RSRP1: variants seen among roughly 807,000 people sequenced by gnomAD.
RSRP1 encodes arginine and serine rich protein 1, also known as arginine/serine-rich protein 1.
Under a neutral mutation model 33.0 loss-of-function variants are expected in RSRP1, and 37 were observed. That is an observed-to-expected ratio of 1.12 (90% CI 0.86 to 1.48). The LOEUF is 1.48. Ranked by LOEUF, RSRP1 falls within the 40% of genes most tolerant of loss-of-function variation. RSRP1 has a pLI of 0.00. For synonymous variants in RSRP1, 167 were observed against 158.7 expected (o/e 1.05, Z -0.40); for missense variants, 402 against 385.3 (o/e 1.04, Z -0.36).
intron 1 of RSRP1, among the ~76,000 whole-genome samples, chr1:25,264,607 G>A (rs1427981125): frequency 6.6e-6 from 1 of 151,370 alleles, no homozygotes; most frequent in African/African-American, 2.4e-5. Flanking sequence ...GATGGGAGGG[G>A]TTGCCATAAA....
In RSRP1 at chr1:25,291,763, G is replaced by C. The variant is rs558289695; in HGVS notation, c.-66-44734C>G. On this transcript the variant is annotated intron_variant, in intron 1 of 1. Transcript: ENST00000561867. ...TGTCCTCTCATTGGGAGAGCCTGTC[G>C]AAAGTCTAAATTTGAAGGCAGCTGT... Among the ~76,000 whole-genome samples, 2 of 132,566 alleles carry C rather than the reference G, an allele frequency of 1.5e-5. 1 individual carries two copies. The highest frequency in any genetic ancestry group is 3.6e-5 in the Non-Finnish European group (2 of 55,920). 87.0% of individuals were successfully genotyped at this position (132,566 alleles called of 152,430 possible).
chr1:25,286,735 G>C (rs546269681), intron 1 of RSRP1, among the ~76,000 whole-genome samples: 1 of 132,462 alleles, frequency 7.5e-6, no homozygotes. Context: ...GCAGTGAACC[G>C]AGATGGTGCC....
intron 1 of RSRP1, among the ~76,000 whole-genome samples, chr1:25,309,844 G>A (rs1342175031): frequency 7.5e-6 from 1 of 133,110 alleles, no homozygotes; most frequent in East Asian, 2.0e-4. Flanking sequence ...GGGAGACCCT[G>A]TGCAGGGAGA....
chr1:25,331,795 A>T (rs1330999931), intron 1 of RSRP1, among the ~76,000 whole-genome samples: 1 of 105,260 alleles, frequency 9.5e-6, no homozygotes, highest in Non-Finnish European at 2.1e-5. Flanking sequence ...GCTGGAGTGC[A>T]GTGGCGCGAT....
At position 25,298,444 on chromosome 1, in the gene RSRP1, TG is replaced by T. The variant is rs1643116384; in HGVS notation, c.-67+39533del. Among the ~76,000 whole-genome samples the T allele has an allele frequency of 3.1e-5, 4 of 127,848 alleles. 1 individual carries two copies. In the South Asian group the frequency reaches 1.0e-3, roughly 32 times the overall value. The allele number at this position is 127,848 out of a possible 152,430, so 83.9% of individuals were successfully genotyped here. A position where few individuals can be genotyped will look rare whatever the true frequency, so the allele number is the denominator to read the frequency against. On this transcript the variant is annotated intron_variant, in intron 1 of 1. Transcript: ENST00000561867. ...TTTTCCTCAAAACTTCAATTCAGCCTGGGTTTCTTCAGCAGGAGGGCCCGGG... is the reference window on the plus strand; with the variant it reads ...TTTTCCTCAAAACTTCAATTCAGCCTGGTTTCTTCAGCAGGAGGGCCCGGG...
intron 1 of RSRP1, among the ~76,000 whole-genome samples, chr1:25,259,924 C>T (rs1393744414): frequency 6.6e-6 from 1 of 151,962 alleles, no homozygotes; most frequent in Non-Finnish European, 1.5e-5. Context: ...GCAGGACAAA[C>T]AGACGGACAG....
At position 25,312,948 on chromosome 1, in the gene RSRP1, A is replaced by AAAAAAAAAAAC. The variant is rs1557556998; in HGVS notation, c.-67+25029_-67+25030insGTTTTTTTTTT. ...AAAAAAAAAAAAAAAAAAAAAAAAA[A>AAAAAAAAAAAC]AAAAAAACTTTAGTGCTATTGGAAT... On this transcript the variant is annotated intron_variant, in intron 1 of 1. Coordinates refer to the RSRP1 transcript ENST00000561867. Among the ~76,000 whole-genome samples, 10 of 110,688 alleles carry AAAAAAAAAAAC rather than the reference A, an allele frequency of 9.0e-5. 2 individuals are homozygous for AAAAAAAAAAAC. The highest frequency in any genetic ancestry group is 1.5e-4 in the Non-Finnish European group (7 of 45,876). 72.6% of individuals were successfully genotyped at this position (110,688 alleles called of 152,430 possible). A position where few individuals can be genotyped will look rare whatever the true frequency, so the allele number is the denominator to read the frequency against.
At chr1:25,320,288 C>G (rs1013048693) in intron 1 of RSRP1, among the ~76,000 whole-genome samples, 5 of 131,966 alleles carry the variant, frequency 3.8e-5, no homozygotes, top group African/African-American at 1.3e-4. Flanking sequence ...ACACCTTTTC[C>G]ACGTTATATG....
At chr1:25,274,834 GCA>G (rs1487011752) in intron 1 of RSRP1, among the ~76,000 whole-genome samples, 7 of 120,564 alleles carry the variant, frequency 5.8e-5, no homozygotes, top group East Asian at 2.1e-4. Flanking sequence ...TGGCAAAACC[GCA>G]TCTCTACTAA....
intron 3 of RSRP1, 191 bp from the exon 4 acceptor site, chr1:25,243,824 A>G: frequency 2.3e-6 from 3 of 1,304,408 alleles, no homozygotes; most frequent in Non-Finnish European, 2.9e-6. Flanking sequence ...GGCTTAAGAC[A>G]CTCTTCCCAT....
chr1:25,242,487 A>C lies in RSRP1; in HGVS notation c.*102T>G. On this transcript the variant is annotated 3_prime_UTR_variant, in exon 5 of 5. Transcript: ENST00000243189. The stretch of plus-strand genomic sequence containing the variant: ...TCTTTTTGTGTTGGTTTTTAAATGC[A>C]CAAGTACCCCTGAATGGCTCAAAGG... 1.5e-6 allele frequency: 1 copy of C among 686,604 alleles called. No homozygotes were observed. The allele number at this position is 686,604 out of a possible 1,614,324, so 42.5% of individuals were successfully genotyped here. A position where few individuals can be genotyped will look rare whatever the true frequency, so the allele number is the denominator to read the frequency against.
At position 25,271,520 on chromosome 1, in the gene RSRP1, A is replaced by G. The variant is rs1255756917; in HGVS notation, c.-66-24491T>C. ...CTGGGACCATTGTAGAAAATAAGGA[A>G]ACTCCAATTCCTTCCTTCTTTTCTT... On this transcript the variant is annotated intron_variant, in intron 1 of 1. Coordinates refer to the RSRP1 transcript ENST00000561867. Among the ~76,000 whole-genome samples the G allele has an allele frequency of 1.5e-5, 2 of 131,866 alleles. 1 individual carries two copies. The highest frequency in any genetic ancestry group is 3.6e-5 in the Non-Finnish European group (2 of 55,576). The allele number at this position is 131,866 out of a possible 152,430, so 86.5% of individuals were successfully genotyped here.
chr1:25,291,211 G>A lies in RSRP1; in HGVS notation c.-66-44182C>T, dbSNP rs1259420008. ...AGGCTGGGTACAGTGGCTCACACCT[G>A]TAATCCCAGCACTTTGGGAGGCCAA... On this transcript the variant is annotated intron_variant, in intron 1 of 1. Transcript: ENST00000561867. 5.4e-5 allele frequency among the ~76,000 whole-genome samples: 7 copies of A among 130,608 alleles called. 3 individuals are homozygous for A. Among genetic ancestry groups the A allele is most frequent in the Non-Finnish European group, 1.3e-4 (7 of 55,450 alleles). 85.7% of individuals were successfully genotyped at this position (130,608 alleles called of 152,430 possible). A position where few individuals can be genotyped will look rare whatever the true frequency, so the allele number is the denominator to read the frequency against.
Position 25,286,555 on chromosome 1 carries a change from G to A in RSRP1, c.-66-39526C>T, listed in dbSNP as rs984548129. 3.7e-5 allele frequency among the ~76,000 whole-genome samples: 5 copies of A among 134,998 alleles called. 1 individual carries two copies. The highest frequency in any genetic ancestry group is 1.3e-4 in the African/African-American group (5 of 39,036). The allele number at this position is 134,998 out of a possible 152,430, so 88.6% of individuals were successfully genotyped here. A position where few individuals can be genotyped will look rare whatever the true frequency, so the allele number is the denominator to read the frequency against. ...TAATCCCAGCACTTTGGGAGGCCAA[G>A]GCGGGGGGATCATGAGGTCAGGAGA... On this transcript the variant is annotated intron_variant, in intron 1 of 1. Coordinates refer to the RSRP1 transcript ENST00000561867.
rs1452784264 is a variant in RSRP1 at position 25,277,884 on chromosome 1, G to C, written c.-66-30855C>G. Among the ~76,000 whole-genome samples, 2 of 132,492 alleles carry C rather than the reference G, an allele frequency of 1.5e-5. 1 individual carries two copies. Among genetic ancestry groups the C allele is most frequent in the African/African-American group, 5.1e-5 (2 of 38,906 alleles). 86.9% of individuals were successfully genotyped at this position (132,492 alleles called of 152,430 possible). ...AGATGGGGTTTCTCCATGTTGGTGA[G>C]GCTGGTCTCGAACTCCCAACCTCAG... On this transcript the variant is annotated intron_variant, in intron 1 of 1. Transcript: ENST00000561867.
At chr1:25,269,185 C>A (rs548038902) in intron 1 of RSRP1, among the ~76,000 whole-genome samples, 1 of 132,756 alleles carries the variant, frequency 7.5e-6, no homozygotes, top group African/African-American at 2.6e-5. Context: ...ATGCTTAGAA[C>A]ACTTACATTA....
intron 3 of RSRP1, 127 bp from the exon 4 acceptor site, chr1:25,243,760 G>A: frequency 1.3e-5 from 19 of 1,444,080 alleles, no homozygotes; most frequent in Non-Finnish European, 1.7e-5. Context: ...GGATCTAACA[G>A]CCTAAGTAAC....
intron 1 of RSRP1, among the ~76,000 whole-genome samples, chr1:25,258,026 C>T (rs1045263197): frequency 7.9e-5 from 12 of 152,178 alleles, no homozygotes; most frequent in African/African-American, 2.9e-4. Context: ...TGACTGAATA[C>T]ACTGAGATGG....
At chr1:25,268,513 C>T (rs552320255) in intron 1 of RSRP1, among the ~76,000 whole-genome samples, 2 of 129,370 alleles carry the variant, frequency 1.5e-5, no homozygotes, top group East Asian at 3.9e-4. Context: ...AGTACTCCGT[C>T]TAAAAAAAAA....
Sources: allele counts gnomAD v4.1 joint callset (sites outside exome capture counted in the v4.1 genomes callset), GRCh38; gene constraint gnomAD v4.1.1; transcripts MANE v1.5; gene names NCBI Gene and HGNC (gene_info 2026-07-23, HGNC 2026-07-21).